The following PLA2G4E variants were observed in gnomAD, a reference collection of about 807,000 sequenced individuals.
PLA2G4E encodes the protein phospholipase A2 group IVE.
A neutral mutation model predicts 109.1 loss-of-function variants in PLA2G4E; 84 were observed. The ratio of observed to expected loss-of-function variants is 0.77; its 90% CI spans 0.65 to 0.92. PLA2G4E has a LOEUF of 0.92. Among genes scored for constraint, PLA2G4E ranks in the 40% least tolerant of loss-of-function variants. PLA2G4E has a pLI of 0.00. For missense variants in PLA2G4E, 1,057 were observed against 1,076.6 expected (o/e 0.98, Z 0.25); for synonymous variants, 469 against 436.1 (o/e 1.08, Z -0.94).
chr15:42,022,324 G>A (rs1292641661), intron 1 of PLA2G4E, among the ~76,000 whole-genome samples: 2 of 152,140 alleles, frequency 1.3e-5, no homozygotes, highest in East Asian at 3.8e-4. Flanking sequence ...CTTTTTTAGT[G>A]CCAGGGACTG....
At chr15:42,000,635 G>A (rs2068406887) in intron 7 of PLA2G4E, among the ~76,000 whole-genome samples, 2 of 152,216 alleles carry the variant, frequency 1.3e-5, no homozygotes, top group African/African-American at 4.8e-5. Flanking sequence ...TGATGTAGAC[G>A]CCTCTTCTGT....
chr15:42,010,257 G>C, intron 2 of PLA2G4E: 1 of 428,990 alleles, frequency 2.3e-6, no homozygotes, highest in Non-Finnish European at 4.8e-6. Flanking sequence ...TGATTTGATG[G>C]ACCCTGTAAG....
At chr15:42,021,483 C>A (rs969614953) in intron 1 of PLA2G4E, among the ~76,000 whole-genome samples, 1 of 150,460 alleles carries the variant, frequency 6.6e-6, no homozygotes, top group Non-Finnish European at 1.5e-5. Context: ...GGAGCTGTGG[C>A]CAGGGACCTT....
chr15:42,021,233 G>A (rs947812529), intron 1 of PLA2G4E, among the ~76,000 whole-genome samples, 191 bp from the exon 1 acceptor site: 2 of 151,714 alleles, frequency 1.3e-5, no homozygotes, highest in East Asian at 1.9e-4. Flanking sequence ...GGACCCGCAG[G>A]GCTCTGGTCT....
intron 10 of PLA2G4E, chr15:41,998,800 T>A (rs1258624768): frequency 6.6e-6 from 1 of 152,234 alleles, no homozygotes; most frequent in East Asian, 1.9e-4. Context: ...ACGCTTGTAA[T>A]CCCAGCACTT....
rs572618923 is a variant in PLA2G4E, at chr15:41,993,263, A to G, written c.1248-304T>C. 2.0e-5 allele frequency among the ~76,000 whole-genome samples: 3 copies of G among 152,362 alleles called. No homozygotes were observed. The South Asian group carries it at 6.2e-4, about 32-fold the overall frequency. On this transcript the variant is annotated intron_variant, in intron 12 of 19. Transcript: ENST00000399518. Reference sequence around the variant, plus strand: ...ATCAAGCCAGGCTCTGTCGCTCACTAGCTGTGTGATCTTGGGCAAGCTACT... The same window carrying G: ...ATCAAGCCAGGCTCTGTCGCTCACTGGCTGTGTGATCTTGGGCAAGCTACT...
intron 1 of PLA2G4E, among the ~76,000 whole-genome samples, chr15:42,025,953 A>G (rs2068689923): frequency 1.3e-5 from 2 of 152,270 alleles, no homozygotes; most frequent in Non-Finnish European, 2.9e-5. Context: ...ACATTTATAT[A>G]ATGTTAGGTG....
chr15:42,005,508 G>T (rs1197740417), intron 4 of PLA2G4E, among the ~76,000 whole-genome samples: 2 of 145,658 alleles, frequency 1.4e-5, no homozygotes, highest in Non-Finnish European at 3.0e-5. Context: ...CCCCTCACAG[G>T]CACTCAAATG....
rs1053021545 is a variant in PLA2G4E, at chr15:42,031,729, C to G, written c.184-17972G>C. Among the ~76,000 whole-genome samples the G allele has an allele frequency of 2.0e-5, 3 of 152,294 alleles. No individual in the cohort carries two copies. The South Asian group carries it at 6.2e-4, about 32-fold the overall frequency. ...TCAGCTCCTGAGCCAGGGCACCTCT[C>G]GGAGACTCCCAGACTTCACAGGGAG... On this transcript the variant is annotated intron_variant, in intron 1 of 19. Coordinates refer to ENST00000399518, the Ensembl canonical transcript of PLA2G4E.
chr15:41,988,899 C>T (rs985469050), intron 15 of PLA2G4E, among the ~76,000 whole-genome samples: 21 of 152,084 alleles, frequency 1.4e-4, no homozygotes, highest in African/African-American at 2.9e-4. Context: ...TAAATAAGGG[C>T]GTGTTGGGGC....
At chr15:42,028,726 G>C (rs751722878) in intron 1 of PLA2G4E, among the ~76,000 whole-genome samples, 4 of 152,152 alleles carry the variant, frequency 2.6e-5, no homozygotes, top group Non-Finnish European at 4.4e-5. Flanking sequence ...TTTTTAAAAG[G>C]CTTCTTCTAT....
intron 1 of PLA2G4E, among the ~76,000 whole-genome samples, chr15:42,023,341 A>G (rs1354811635): frequency 6.6e-6 from 1 of 151,208 alleles, no homozygotes; most frequent in East Asian, 1.9e-4. Flanking sequence ...CCTTCATTCC[A>G]TACTAGATTA....
Position 41,989,754 on chromosome 15 carries a change from AAGG to A in PLA2G4E, c.1586-205_1586-203del, listed in dbSNP as rs1331878065. On this transcript the variant is annotated intron_variant, in intron 14 of 19. Coordinates refer to ENST00000399518, the Ensembl canonical transcript of PLA2G4E. ...AAGGGTCAGCTTTGCCATGCTTTGCAAGGAGGATGGCTCATTTGCACCTCAGAG... is the reference window on the plus strand; with the variant it reads ...AAGGGTCAGCTTTGCCATGCTTTGCAAGGATGGCTCATTTGCACCTCAGAG... Among the ~76,000 whole-genome samples, 4 of 152,194 alleles carry A rather than the reference AAGG, an allele frequency of 2.6e-5. No individual in the cohort carries two copies. The East Asian group carries it at 5.8e-4, about 22-fold the overall frequency.
chr15:41,991,232 G>A (rs1027222956), intron 13 of PLA2G4E, among the ~76,000 whole-genome samples: 1 of 152,180 alleles, frequency 6.6e-6, no homozygotes, highest in African/African-American at 2.4e-5. Context: ...CCCTGCCCTT[G>A]CTTTCCTGGG....
intron 14 of PLA2G4E, among the ~76,000 whole-genome samples, chr15:41,989,818 G>A (rs1011768634): frequency 3.3e-5 from 5 of 152,164 alleles, no homozygotes; most frequent in Admixed American, 1.3e-4. Context: ...CCTGAAGCAG[G>A]GCAGCTCTCT....
chr15:42,000,396 G>A, intron 7 of PLA2G4E, 114 bp from the exon 8 acceptor site: 1 of 1,007,440 alleles, frequency 9.9e-7, no homozygotes, highest in South Asian at 1.7e-5. Context: ...AATCACCTGG[G>A]GCACCAGTTC....
intron 2 of PLA2G4E, among the ~76,000 whole-genome samples, chr15:42,012,787 C>T (rs2068549847): frequency 1.3e-5 from 2 of 152,240 alleles, no homozygotes; most frequent in Admixed American, 6.5e-5. Flanking sequence ...GTCTTCTCTG[C>T]CCCTCTCAGG....
chr15:41,984,439 G>C (rs1402468022), exon 19 of PLA2G4E: 5 of 1,611,658 alleles, frequency 3.1e-6, no homozygotes, highest in Admixed American at 1.7e-5. Context: ...AGCTCACCTG[G>C]TGCCTTGTAT....
At chr15:42,039,323 A>G (rs1889274464) in intron 1 of PLA2G4E, among the ~76,000 whole-genome samples, 1 of 152,356 alleles carries the variant, frequency 6.6e-6, no homozygotes. Flanking sequence ...TATGCTCAAT[A>G]TTGGTAGAAA....
Sources: gnomAD v4.1 joint callset for allele counts (sites outside exome capture counted in the v4.1 genomes callset) on GRCh38, gnomAD v4.1.1 for gene constraint, MANE v1.5 for transcripts, NCBI Gene and HGNC (gene_info 2026-07-23, HGNC 2026-07-21) for gene names.